Variants in STAU2 observed in about 807,000 individuals in gnomAD.
STAU2 encodes the protein double-stranded RNA-binding protein Staufen homolog 2.
In STAU2, 20 loss-of-function variants were observed where a neutral mutation model predicts 65.9. The ratio of observed to expected loss-of-function variants is 0.30; its 90% CI spans 0.21 to 0.44. The LOEUF (loss-of-function observed/expected upper bound fraction) is 0.44, where lower values mean the gene tolerates loss of function less well. Among genes scored for constraint, STAU2 ranks in the 20% least tolerant of loss-of-function variants. The pLI, the probability that STAU2 is intolerant of heterozygous loss-of-function variation, is 1.00. For missense variants in STAU2, 558 were observed against 683.9 expected (o/e 0.82, Z 2.05); for synonymous variants, 232 against 233.9 (o/e 0.99, Z 0.07).
chr8:73,654,682 C>CTT (rs1179878383), intron 6 of STAU2, among the ~76,000 whole-genome samples: 2 of 72,380 alleles, frequency 2.8e-5, no homozygotes, highest in Non-Finnish European at 6.1e-5. Flanking sequence ...AATTATCAAA[C>CTT]CTTTTTTTTT....
chr8:73,566,319 T>C (rs1175278143), intron 12 of STAU2, among the ~76,000 whole-genome samples: 2 of 152,246 alleles, frequency 1.3e-5, no homozygotes, highest in African/African-American at 4.8e-5. Flanking sequence ...GTAATGTAGA[T>C]GGCTGTGTCA....
At chr8:73,602,587 T>C (rs1586098184) in intron 10 of STAU2, among the ~76,000 whole-genome samples, 1 of 152,084 alleles carries the variant, frequency 6.6e-6, no homozygotes, top group East Asian at 1.9e-4. Flanking sequence ...CTGGCCATGG[T>C]AGTGTATGCG....
chr8:73,705,674 G>C (rs558459396), intron 4 of STAU2, among the ~76,000 whole-genome samples: 1 of 152,030 alleles, frequency 6.6e-6, no homozygotes, highest in African/African-American at 2.4e-5. Context: ...TTGTTTCAGA[G>C]TTCAATTAAA....
chr8:73,634,049 G>A (rs1371117395), intron 6 of STAU2, among the ~76,000 whole-genome samples: 4 of 151,924 alleles, frequency 2.6e-5, no homozygotes, highest in East Asian at 1.9e-4. Flanking sequence ...CCACAGAAAA[G>A]GAAATATAAA....
At chr8:73,671,439 A>C (rs1313949738) in intron 6 of STAU2, among the ~76,000 whole-genome samples, 2 of 152,130 alleles carry the variant, frequency 1.3e-5, no homozygotes, top group African/African-American at 4.8e-5. Flanking sequence ...CTACCAAAGA[A>C]GACAAAAACC....
At chr8:73,549,129 C>T (rs1397918773) in intron 13 of STAU2, among the ~76,000 whole-genome samples, 1 of 151,986 alleles carries the variant, frequency 6.6e-6, no homozygotes, top group Admixed American at 6.6e-5. Flanking sequence ...AACAAGGAAC[C>T]CTGAAACACT....
rs760887932 is a variant in STAU2, at chr8:73,739,917, A to G, written c.-196-49T>C. 5.9e-5 allele frequency: 44 copies of G among 751,764 alleles called. No homozygotes were observed. The Middle Eastern group carries it at 2.6e-3, about 44-fold the overall frequency. The allele number at this position is 751,764 out of a possible 1,614,324, so 46.6% of individuals were successfully genotyped here. On this transcript the variant is annotated intron_variant, in intron 1 of 14. Coordinates refer to ENST00000524300, the MANE Select transcript of STAU2 (RefSeq NM_001164380.2). ...ATAATGAGATACCACTTCCAAGATT[A>G]GGTTATAAAAATTCTTAGGTGTCAC...
chr8:73,593,887 A>G (rs1810996969), intron 11 of STAU2, among the ~76,000 whole-genome samples: 1 of 149,498 alleles, frequency 6.7e-6, no homozygotes. Context: ...ACATACACAC[A>G]CACACACACA....
intron 6 of STAU2, among the ~76,000 whole-genome samples, chr8:73,669,637 T>TTCTCTCTCTCTCTCTCTCTCTC (rs34037884): frequency 4.2e-5 from 6 of 141,336 alleles, no homozygotes; most frequent in African/African-American, 1.6e-4. Context: ...GAGCCTGGAA[T>TTCTCTCTCTCTCTCTCTCTCTC]TCTCTCTCTC....
Position 73,713,474 on chromosome 8 carries a change from T to G in STAU2, c.-17-4312A>C, listed in dbSNP as rs377448193. Among the ~76,000 whole-genome samples the G allele has an allele frequency of 3.0e-4, 46 of 152,110 alleles. No individual in the cohort carries two copies. The South Asian group carries it at 9.1e-3, about 30-fold the overall frequency. ...ACAATAAATCACAATATAAGTACTATAATAAGGCTGTTACAAAAACTCCTT... is the reference window on the plus strand; with the variant it reads ...ACAATAAATCACAATATAAGTACTAGAATAAGGCTGTTACAAAAACTCCTT... On this transcript the variant is annotated intron_variant, in intron 3 of 14. Coordinates refer to ENST00000524300, the MANE Select transcript of STAU2 (RefSeq NM_001164380.2).
chr8:73,448,392 T>C (rs541462367), intron 13 of STAU2, among the ~76,000 whole-genome samples: 23 of 152,274 alleles, frequency 1.5e-4, no homozygotes, highest in African/African-American at 5.5e-4. Flanking sequence ...CAAGCAATTA[T>C]CTGCCTCAGC....
At chr8:73,687,352 T>TATAA (rs1332093186) in intron 5 of STAU2, among the ~76,000 whole-genome samples, 122 of 36,744 alleles carry the variant, frequency 3.3e-3, no homozygotes, top group African/African-American at 0.017. Flanking sequence ...ATTTATAATT[T>TATAA]ATATAATATA....
At chr8:73,522,974 G>A (rs1585926476) in intron 13 of STAU2, among the ~76,000 whole-genome samples, 1 of 152,048 alleles carries the variant, frequency 6.6e-6, no homozygotes, top group East Asian at 1.9e-4. Flanking sequence ...AAGGCGCACA[G>A]ATCACGAGGT....
chr8:73,649,909 G>A (rs1170121092), intron 6 of STAU2, among the ~76,000 whole-genome samples: 17 of 40,560 alleles, frequency 4.2e-4, no homozygotes, highest in East Asian at 1.7e-3. Flanking sequence ...ATATATATAT[G>A]GTGCAAAGAT....
intron 13 of STAU2, among the ~76,000 whole-genome samples, chr8:73,443,354 G>A (rs1818298199): frequency 6.6e-6 from 1 of 152,194 alleles, no homozygotes; most frequent in African/African-American, 2.4e-5. Flanking sequence ...GCAACTTAGT[G>A]CTTTGTATAG....
At chr8:73,736,179 GAGTT>G (rs1386483151) in intron 3 of STAU2, among the ~76,000 whole-genome samples, 1 of 152,190 alleles carries the variant, frequency 6.6e-6, no homozygotes, top group African/African-American at 2.4e-5. Context: ...ACATGAGGGA[GAGTT>G]AGTTGCATTT....
chr8:73,484,355 A>G (rs988430321), intron 13 of STAU2, among the ~76,000 whole-genome samples: 6 of 152,146 alleles, frequency 3.9e-5, no homozygotes, highest in Non-Finnish European at 7.4e-5. Flanking sequence ...TAAAAGACAA[A>G]GGTTACTTCT....
At chr8:73,747,220 C>G (rs1330166645), upstream of STAU2, 27 of 759,790 alleles carry the variant, frequency 3.6e-5, no homozygotes, top group East Asian at 8.5e-4. Context: ...GGAGCGCGCC[C>G]GGTCCGCAGT....
At chr8:73,521,777 G>A (rs4738381) in intron 13 of STAU2, among the ~76,000 whole-genome samples, 5,143 of 152,234 alleles carry the variant, frequency 0.034, 256 homozygotes, top group Admixed American at 0.13. Flanking sequence ...ATATTCAGTA[G>A]GTTAGGTGCA....
Sources: gnomAD v4.1 joint callset for allele counts (sites outside exome capture counted in the v4.1 genomes callset) on GRCh38, gnomAD v4.1.1 for gene constraint, MANE v1.5 for transcripts, NCBI Gene and HGNC (gene_info 2026-07-23, HGNC 2026-07-21) for gene names.